CLEC12A: variants seen among roughly 807,000 people sequenced by gnomAD.
The protein encoded by CLEC12A is C-type lectin protein CLL-1.
In CLEC12A, 22 loss-of-function variants were observed where a neutral mutation model predicts 26.5. That is an observed-to-expected ratio of 0.83 (90% CI 0.59 to 1.19). The LOEUF (loss-of-function observed/expected upper bound fraction) is 1.19, where lower values mean the gene tolerates loss of function less well. Among genes scored for constraint, CLEC12A ranks in the 50% most tolerant of loss-of-function variants. The pLI is 0.00. For synonymous variants in CLEC12A, 119 were observed against 101.9 expected (o/e 1.17, Z -1.01); for missense variants, 353 against 315.6 (o/e 1.12, Z -0.90).
chr12:9,952,195 GTCTCCC>G (rs372409304), intron 1 of CLEC12A: 29,067 of 90,894 alleles, frequency 0.32, 5,134 homozygotes, highest in Middle Eastern at 0.4. Flanking sequence ...CTCCCTCTCC[GTCTCCC>G]TCTCCCTCTC....
rs890911202 is a variant in CLEC12A, at chr12:9,985,034, A to G, written c.*8A>G. On this transcript the variant is annotated 3_prime_UTR_variant, in exon 6 of 6. Coordinates refer to ENST00000304361, the MANE Select transcript of CLEC12A (RefSeq NM_138337.6). ...TATTTTAGGGAGGCATGAGGCATCAATCAAATACATTTAAGGAGTGTAGGG... is the reference window on the plus strand; with the variant it reads ...TATTTTAGGGAGGCATGAGGCATCAGTCAAATACATTTAAGGAGTGTAGGG... 5 of 1,506,442 alleles carry G rather than the reference A, an allele frequency of 3.3e-6. No homozygotes were observed. Among genetic ancestry groups the G allele is most frequent in the Non-Finnish European group, 4.4e-6 (5 of 1,129,052 alleles). The allele number at this position is 1,506,442 out of a possible 1,614,324, so 93.3% of individuals were successfully genotyped here.
At chr12:10,005,923 C>A in the CLEC12A span, among the ~76,000 whole-genome samples, 1 of 152,012 alleles carries the variant, frequency 6.6e-6, no homozygotes, top group East Asian at 1.9e-4. Context: ...GGGTACTTTC[C>A]CATTTAAACC....
downstream of CLEC12A, chr12:9,997,357 A>G (rs553040178): frequency 8.8e-6 from 12 of 1,363,542 alleles, no homozygotes; most frequent in East Asian, 2.7e-4. Context: ...TTGAATTTTC[A>G]TTTCCTTAAC....
chr12:9,999,014 T>G (rs181574111), downstream of CLEC12A: 68 of 1,391,032 alleles, frequency 4.9e-5, no homozygotes, highest in Admixed American at 1.1e-3. Flanking sequence ...AATTTCCAAA[T>G]TATTGGCTCT....
chr12:9,985,717 A>G (rs1213940254), downstream of CLEC12A: 34 of 360,988 alleles, frequency 9.4e-5, no homozygotes, highest in Admixed American at 1.6e-3. Flanking sequence ...AAATATATAG[A>G]TAGATATGTT....
intron 1 of CLEC12A, among the ~76,000 whole-genome samples, chr12:9,965,425 C>T (rs904507659): frequency 6.6e-6 from 1 of 151,412 alleles, no homozygotes; most frequent in Non-Finnish European, 1.5e-5. Context: ...GTAATGGGGG[C>T]TGTCTGTGAA....
intron 1 of CLEC12A, among the ~76,000 whole-genome samples, chr12:9,957,914 A>G (rs1408201346): frequency 6.6e-6 from 1 of 152,230 alleles, no homozygotes; most frequent in Non-Finnish European, 1.5e-5. Context: ...AATAGCTAAA[A>G]TTAAAGTAGG....
intron 1 of CLEC12A, among the ~76,000 whole-genome samples, chr12:9,962,474 T>G (rs1863850068): frequency 6.6e-6 from 1 of 152,096 alleles, no homozygotes; most frequent in Non-Finnish European, 1.5e-5. Flanking sequence ...CAAACAGGCT[T>G]TGTGTGAGCA....
intron 1 of CLEC12A, among the ~76,000 whole-genome samples, chr12:9,975,489 C>A (rs997461617): frequency 6.6e-6 from 1 of 152,050 alleles, no homozygotes; most frequent in Non-Finnish European, 1.5e-5. Flanking sequence ...GAACATTGAA[C>A]TTGAGAGGGA....
intron 4 of CLEC12A, chr12:9,993,369 G>T: frequency 1.0e-6 from 1 of 975,384 alleles, no homozygotes. Flanking sequence ...GTAGTTTGAT[G>T]CACCAAATAG....
intron 1 of CLEC12A, among the ~76,000 whole-genome samples, chr12:9,959,204 A>G (rs1863790008): frequency 6.6e-6 from 1 of 151,950 alleles, no homozygotes; most frequent in Non-Finnish European, 1.5e-5. Context: ...TGATCCCTGC[A>G]CTTTGGGAGG....
At chr12:9,953,034 G>A (rs1334629704) in intron 1 of CLEC12A, 2 of 136,896 alleles carry the variant, frequency 1.5e-5, no homozygotes, top group African/African-American at 3.1e-5. Context: ...ACCCCATCTG[G>A]GAAGTGAGGA....
Position 9,971,513 on chromosome 12 carries a change from G to C in CLEC12A, c.-84G>C. On this transcript the variant is annotated 5_prime_UTR_variant, in exon 1 of 6. Transcript: ENST00000304361. ...TTATAAACAGAAGTTTAAAATTATA[G>C]GTCCTGTTTAACATTCAGCTCTGTT... is the stretch of plus-strand genomic sequence containing the variant. 1 of 1,507,946 alleles carries C rather than the reference G, an allele frequency of 6.6e-7. No individual in the cohort carries two copies. The highest frequency in any genetic ancestry group is 8.8e-7 in the Non-Finnish European group (1 of 1,133,400). 93.4% of individuals were successfully genotyped at this position (1,507,946 alleles called of 1,614,324 possible).
At chr12:9,956,802 C>A (rs1863748766) in intron 1 of CLEC12A, among the ~76,000 whole-genome samples, 1 of 152,114 alleles carries the variant, frequency 6.6e-6, no homozygotes. Flanking sequence ...AAGAAAACTG[C>A]AGTACACCTG....
chr12:9,980,508 C>A, intron 3 of CLEC12A, 74 bp from the exon 4 acceptor site: 1 of 1,367,350 alleles, frequency 7.3e-7, no homozygotes, highest in East Asian at 2.4e-5. Context: ...CAATGTCACA[C>A]AGAGAGGAAA....
chr12:9,968,374 C>T (rs569820126), upstream of CLEC12A, among the ~76,000 whole-genome samples: 468 of 106,534 alleles, frequency 4.4e-3, 1 homozygote, highest in African/African-American at 0.015. Context: ...AGAGAGTCAG[C>T]GAAGGGAGAT....
intron 1 of CLEC12A, among the ~76,000 whole-genome samples, chr12:9,974,734 C>T (rs778669257): frequency 6.6e-6 from 1 of 152,096 alleles, no homozygotes; most frequent in East Asian, 1.9e-4. Flanking sequence ...GAAACTCAGA[C>T]ACAGAGATGT....
chr12:9,952,044 G>C (rs1269609878), intron 1 of CLEC12A: 3 of 150,560 alleles, frequency 2.0e-5, no homozygotes, highest in Admixed American at 1.3e-4. Context: ...TTGGAGTCTG[G>C]AGAGATTTGG....
At chr12:9,996,975 G>A, downstream of CLEC12A, 1 of 1,614,052 alleles carries the variant, frequency 6.2e-7, no homozygotes, top group Non-Finnish European at 8.5e-7. Flanking sequence ...TCCAGTTTGT[G>A]TCACAGGGGC....
Sources: gnomAD v4.1 joint callset for allele counts (sites outside exome capture counted in the v4.1 genomes callset) on GRCh38, gnomAD v4.1.1 for gene constraint, MANE v1.5 for transcripts, NCBI Gene and HGNC (gene_info 2026-07-23, HGNC 2026-07-21) for gene names.